CLEC1A: variants seen among roughly 807,000 people sequenced by gnomAD.
CLEC1A encodes C-type lectin domain family 1 member A, also known as C-type lectin-like receptor-1.
A neutral mutation model predicts 28.7 loss-of-function variants in CLEC1A; 34 were observed. The observed-to-expected ratio is 1.18, with a 90% CI of 0.90 to 1.57. The LOEUF is 1.57. Ranked by LOEUF, CLEC1A falls within the 40% of genes most tolerant of loss-of-function variation. The pLI is 0.00. For synonymous variants in CLEC1A, 116 were observed against 121.0 expected (o/e 0.96, Z 0.27); for missense variants, 385 against 339.5 (o/e 1.13, Z -1.05).
At chr12:10,081,103 A>G (rs774591421) in intron 3 of CLEC1A, 134 bp downstream of exon 3, 31 of 682,616 alleles carry the variant, frequency 4.5e-5, no homozygotes, top group Non-Finnish European at 6.8e-5. Context: ...ACTGATCATG[A>G]TCTTGAAGCC....
chr12:10,077,901 TA>T (rs1866288318), intron 3 of CLEC1A, among the ~76,000 whole-genome samples: 1 of 152,174 alleles, frequency 6.6e-6, no homozygotes, highest in Admixed American at 6.5e-5. Context: ...TCCTGGTTTC[TA>T]ATCTTCCCCT....
At chr12:10,096,807 G>A (rs945352612) in intron 1 of CLEC1A, among the ~76,000 whole-genome samples, 1 of 151,896 alleles carries the variant, frequency 6.6e-6, no homozygotes, top group African/African-American at 2.4e-5. Flanking sequence ...CCTCACTCCC[G>A]ATTCCTTATT....
chr12:10,096,734 A>G (rs1044560979), intron 1 of CLEC1A, among the ~76,000 whole-genome samples: 3 of 152,138 alleles, frequency 2.0e-5, no homozygotes, highest in African/African-American at 4.8e-5. Flanking sequence ...AAGCTACTGA[A>G]AACCTTCATG....
intron 2 of CLEC1A, among the ~76,000 whole-genome samples, chr12:10,086,900 A>G (rs896131306): frequency 6.6e-6 from 1 of 152,146 alleles, no homozygotes. Flanking sequence ...TGCAAAAATC[A>G]TCAACAAAAG....
intron 2 of CLEC1A, 57 bp downstream of exon 2, chr12:10,089,067 T>G: frequency 1.5e-6 from 2 of 1,316,804 alleles, no homozygotes; most frequent in Non-Finnish European, 2.2e-6. Flanking sequence ...CAAGTGTTTC[T>G]CATCCTAGAC....
chr12:10,082,070 C>T (rs985012677), intron 2 of CLEC1A, among the ~76,000 whole-genome samples: 19 of 152,158 alleles, frequency 1.2e-4, no homozygotes, highest in Admixed American at 6.5e-5. Flanking sequence ...ACAAGGCAGC[C>T]AGTGGAATTA....
chr12:10,087,097 C>T (rs1159679372), intron 2 of CLEC1A, among the ~76,000 whole-genome samples: 3 of 148,250 alleles, frequency 2.0e-5, no homozygotes, highest in Admixed American at 1.4e-4. Flanking sequence ...CTCAGCTACT[C>T]GGGAGGCTGA....
chr12:10,072,447 T>G (rs1866154408), intron 5 of CLEC1A, among the ~76,000 whole-genome samples: 1 of 152,254 alleles, frequency 6.6e-6, no homozygotes, highest in Non-Finnish European at 1.5e-5. Context: ...GTGTTTTATA[T>G]TACCCCTTAC....
chr12:10,098,800 C>G lies in CLEC1A; in HGVS notation c.115+8G>C. Reference sequence around the variant, plus strand: ...TGTGGTCTATTTGGACTCCAGGAGACAGGGTACCTGTGCGCCGGGGCTCTG... The same window carrying G: ...TGTGGTCTATTTGGACTCCAGGAGAGAGGGTACCTGTGCGCCGGGGCTCTG... On this transcript the variant is annotated splice_region_variant and intron_variant, in intron 1 of 5. Transcript: ENST00000315330. 1 of 1,601,074 alleles carries G rather than the reference C, an allele frequency of 6.2e-7. No homozygotes were observed. Among genetic ancestry groups the G allele is most frequent in the Non-Finnish European group, 8.5e-7 (1 of 1,170,066 alleles).
Position 10,081,427 on chromosome 12 carries a change from C to T in CLEC1A, c.215-14G>A. 6.3e-7 allele frequency: 1 copy of T among 1,584,710 alleles called. No individual in the cohort carries two copies. Among genetic ancestry groups the T allele is most frequent in the Non-Finnish European group, 8.6e-7 (1 of 1,166,590 alleles). ...AGTACTGAAAAACTAACCCAAATGA[C>T]CAAGTCAGACTGGACAGCTTATTTC... On this transcript the variant is annotated splice_polypyrimidine_tract_variant and intron_variant, in intron 2 of 5. Coordinates refer to ENST00000315330, the MANE Select transcript of CLEC1A (RefSeq NM_016511.4).
Position 10,089,225 on chromosome 12 carries a change from G to T in CLEC1A, c.116-3C>A. On this transcript the variant is annotated splice_polypyrimidine_tract_variant and splice_region_variant and intron_variant, in intron 1 of 5. Coordinates refer to ENST00000315330, the MANE Select transcript of CLEC1A (RefSeq NM_016511.4). Reference sequence around the variant, plus strand: ...CGTTGAAGAGGGAGCCCTGTGCTCTGCAGGGAACAGAAGAGAAAGCAGAGT... The same window carrying T: ...CGTTGAAGAGGGAGCCCTGTGCTCTTCAGGGAACAGAAGAGAAAGCAGAGT... The T allele has an allele frequency of 6.2e-7, 1 of 1,612,870 alleles. No individual in the cohort carries two copies. Among genetic ancestry groups the T allele is most frequent in the Non-Finnish European group, 8.5e-7 (1 of 1,178,950 alleles).
At chr12:10,097,213 G>C (rs1397706541) in intron 1 of CLEC1A, among the ~76,000 whole-genome samples, 1 of 152,104 alleles carries the variant, frequency 6.6e-6, no homozygotes, top group Non-Finnish European at 1.5e-5. Context: ...ATTGACAAAA[G>C]TCTAGAAATT....
chr12:10,076,779 G>A (rs186757803), intron 3 of CLEC1A, among the ~76,000 whole-genome samples: 120 of 152,282 alleles, frequency 7.9e-4, no homozygotes, highest in South Asian at 6.4e-3. Context: ...ATAAAGGTCC[G>A]TTTCAACTAT....
intron 2 of CLEC1A, 90 bp from the exon 3 acceptor site, chr12:10,081,503 T>C: frequency 9.1e-7 from 1 of 1,097,018 alleles, no homozygotes; most frequent in Admixed American, 2.8e-5. Context: ...CAGTATATTT[T>C]TTAGTATCTC....
chr12:10,080,493 T>C (rs1319247443), intron 3 of CLEC1A, among the ~76,000 whole-genome samples: 3 of 152,268 alleles, frequency 2.0e-5, no homozygotes, highest in African/African-American at 7.2e-5. Flanking sequence ...GTGTGTATAG[T>C]AGATGAGGAG....
In CLEC1A at chr12:10,070,421, A is replaced by G. The variant is rs1866101025; in HGVS notation, c.*912T>C. 1 of 152,248 alleles carries G rather than the reference A, an allele frequency of 6.6e-6. No individual in the cohort carries two copies. Among genetic ancestry groups the G allele is most frequent in the Non-Finnish European group, 1.5e-5 (1 of 68,034 alleles). 9.4% of individuals were successfully genotyped at this position (152,248 alleles called of 1,614,324 possible). A position where few individuals can be genotyped will look rare whatever the true frequency, so the allele number is the denominator to read the frequency against. ...AATAATGACCGCTATCATATTTTGA[A>G]AAGCATTTCCATGCTGAATTTTCCC... On this transcript the variant is annotated 3_prime_UTR_variant, in exon 6 of 6. Coordinates refer to ENST00000315330, the MANE Select transcript of CLEC1A (RefSeq NM_016511.4).
chr12:10,071,267 G>A lies in CLEC1A; in HGVS notation c.*66C>T, dbSNP rs1441693245. The stretch of plus-strand genomic sequence containing the variant: ...TCCTGATTATGTTCCATTTCCCAAT[G>A]TCTCAACTAGCCCTTGCTTTGGCAC... On this transcript the variant is annotated 3_prime_UTR_variant, in exon 6 of 6. Coordinates refer to ENST00000315330, the MANE Select transcript of CLEC1A (RefSeq NM_016511.4). 2.8e-6 allele frequency: 4 copies of A among 1,430,432 alleles called. No individual in the cohort carries two copies. The highest frequency in any genetic ancestry group is 2.8e-5 in the African/African-American group (2 of 70,440). The allele number at this position is 1,430,432 out of a possible 1,614,324, so 88.6% of individuals were successfully genotyped here. A position where few individuals can be genotyped will look rare whatever the true frequency, so the allele number is the denominator to read the frequency against.
intron 5 of CLEC1A, 65 bp downstream of exon 5, chr12:10,073,228 G>T: frequency 8.3e-7 from 1 of 1,199,048 alleles, no homozygotes; most frequent in Non-Finnish European, 1.2e-6. Flanking sequence ...AAATTCTTGA[G>T]CTCTATCACT....
intron 3 of CLEC1A, among the ~76,000 whole-genome samples, chr12:10,077,966 T>C (rs1370124319): frequency 6.6e-6 from 1 of 152,164 alleles, no homozygotes; most frequent in East Asian, 1.9e-4. Context: ...ATGCTTCTAG[T>C]TGTTTTGACC....
Sources: allele counts gnomAD v4.1 joint callset (sites outside exome capture counted in the v4.1 genomes callset), GRCh38; gene constraint gnomAD v4.1.1; transcripts MANE v1.5; gene names NCBI Gene and HGNC (gene_info 2026-07-23, HGNC 2026-07-21).